The following MCC variants were observed in gnomAD, a reference collection of about 807,000 sequenced individuals.
MCC encodes the protein MCC regulator of Wnt signaling pathway.
In MCC, 90 loss-of-function variants were observed where a neutral mutation model predicts 116.2. The observed-to-expected ratio is 0.77, with a 90% CI of 0.65 to 0.92. The LOEUF is 0.92. MCC is among the 40% of genes least tolerant of loss of function. The pLI is 0.00. For synonymous variants in MCC, 578 were observed against 510.5 expected (o/e 1.13, Z -1.78); for missense variants, 1,516 against 1,312.2 (o/e 1.16, Z -2.40).
chr5:113,338,387 G>T (rs116737289), intron 3 of MCC, among the ~76,000 whole-genome samples: 1,862 of 152,308 alleles, frequency 0.012, 20 homozygotes, highest in African/African-American at 0.025. Context: ...GAACCTGGCT[G>T]TGGGAACCCC....
chr5:113,267,947 G>A (rs1267836586), intron 3 of MCC, among the ~76,000 whole-genome samples: 7 of 152,094 alleles, frequency 4.6e-5, no homozygotes, highest in Non-Finnish European at 1.0e-4. Flanking sequence ...TCTTAAATTA[G>A]AATGAAATAA....
chr5:113,088,503 A>G (rs1230755215), intron 8 of MCC, among the ~76,000 whole-genome samples: 1 of 151,454 alleles, frequency 6.6e-6, no homozygotes, highest in Non-Finnish European at 1.5e-5. Context: ...AACTAAATTA[A>G]CGATCTCAAG....
intron 3 of MCC, among the ~76,000 whole-genome samples, chr5:113,193,119 C>T (rs190701340): frequency 6.6e-6 from 1 of 152,298 alleles, no homozygotes; most frequent in East Asian, 1.9e-4. Context: ...AGGCCAGCAG[C>T]ACAGAATCTT....
intron 5 of MCC, among the ~76,000 whole-genome samples, chr5:113,134,420 T>C (rs1236778409): frequency 1.1e-4 from 16 of 152,208 alleles, no homozygotes. Flanking sequence ...TTATGTTTCA[T>C]TGCTCTATGT....
At chr5:113,336,354 A>G (rs1767867681) in intron 3 of MCC, among the ~76,000 whole-genome samples, 3 of 151,884 alleles carry the variant, frequency 2.0e-5, no homozygotes, top group Non-Finnish European at 1.5e-5. Flanking sequence ...CCAGGCTTGC[A>G]GTAATTCTAA....
At chr5:113,190,801 G>A (rs1167625142) in intron 3 of MCC, among the ~76,000 whole-genome samples, 2 of 152,218 alleles carry the variant, frequency 1.3e-5, no homozygotes, top group Non-Finnish European at 2.9e-5. Context: ...CCCTTACTGG[G>A]TGTGGGGAAC....
intron 4 of MCC, among the ~76,000 whole-genome samples, chr5:113,144,601 A>AT (rs1759381034): frequency 6.6e-6 from 1 of 152,204 alleles, no homozygotes; most frequent in Non-Finnish European, 1.5e-5. Context: ...TAAACTGAAC[A>AT]TTATACTAAG....
At chr5:113,403,117 G>A (rs530256049) in intron 1 of MCC, among the ~76,000 whole-genome samples, 26 of 152,096 alleles carry the variant, frequency 1.7e-4, no homozygotes, top group Admixed American at 4.6e-4. Flanking sequence ...GGCCCACTCT[G>A]AGTAGCACTG....
At chr5:113,267,909 T>C (rs1314157493) in intron 3 of MCC, among the ~76,000 whole-genome samples, 1 of 152,168 alleles carries the variant, frequency 6.6e-6, no homozygotes, top group Admixed American at 6.5e-5. Context: ...ATATGTCTTA[T>C]AAAAAAGGTA....
intron 6 of MCC, among the ~76,000 whole-genome samples, chr5:113,111,965 G>C (rs1757125525): frequency 6.6e-6 from 1 of 152,180 alleles, no homozygotes; most frequent in African/African-American, 2.4e-5. Context: ...TTTTGAATCA[G>C]GTGTTAAAAG....
intron 2 of MCC, among the ~76,000 whole-genome samples, chr5:113,383,525 C>T (rs1015683988): frequency 2.0e-5 from 3 of 151,828 alleles, no homozygotes; most frequent in East Asian, 1.9e-4. Context: ...ACACACATGA[C>T]GAGAGAGACA....
chr5:113,031,989 A>G (rs1431786794), intron 17 of MCC, among the ~76,000 whole-genome samples: 1 of 152,234 alleles, frequency 6.6e-6, no homozygotes, highest in East Asian at 1.9e-4. Flanking sequence ...GGAAAGAACT[A>G]TGATGCTCAT....
chr5:113,348,517 A>T (rs1475957966), intron 2 of MCC, among the ~76,000 whole-genome samples: 2 of 152,054 alleles, frequency 1.3e-5, no homozygotes, highest in Admixed American at 1.3e-4. Context: ...CTCAAAACAA[A>T]TGATAATGGA....
At chr5:113,405,936 A>G (rs1455838268) in intron 1 of MCC, among the ~76,000 whole-genome samples, 4 of 152,248 alleles carry the variant, frequency 2.6e-5, no homozygotes, top group Non-Finnish European at 5.9e-5. Flanking sequence ...AAGATTTTCA[A>G]TGCAAAGCAT....
chr5:113,160,864 A>G (rs964902095), intron 3 of MCC, among the ~76,000 whole-genome samples: 7 of 152,216 alleles, frequency 4.6e-5, no homozygotes, highest in Non-Finnish European at 8.8e-5. Context: ...TATGTGGGAA[A>G]GTTAAAGAGG....
chr5:113,278,438 T>C (rs1765909103), intron 3 of MCC, among the ~76,000 whole-genome samples: 1 of 152,214 alleles, frequency 6.6e-6, no homozygotes, highest in South Asian at 2.1e-4. Flanking sequence ...TACAGTGTAT[T>C]AACTGCTACA....
At chr5:113,350,056 T>C (rs1348018557) in intron 2 of MCC, among the ~76,000 whole-genome samples, 2 of 151,978 alleles carry the variant, frequency 1.3e-5, no homozygotes, top group African/African-American at 4.8e-5. Flanking sequence ...CCCCCCAAAA[T>C]GGAAAGATAA....
At chr5:113,468,925 C>T (rs896713683) in intron 1 of MCC, among the ~76,000 whole-genome samples, 47 of 152,182 alleles carry the variant, frequency 3.1e-4, no homozygotes, top group East Asian at 7.7e-4. Context: ...GTGTATGTGT[C>T]GAGGAATTTA....
chr5:113,470,212 G>C (rs1303834289), intron 1 of MCC, among the ~76,000 whole-genome samples: 5 of 152,162 alleles, frequency 3.3e-5, no homozygotes, highest in Non-Finnish European at 7.3e-5. Context: ...GTGTGAATTT[G>C]ATCCTGTCTT....
Sources: gnomAD v4.1 joint callset for allele counts (sites outside exome capture counted in the v4.1 genomes callset) on GRCh38, gnomAD v4.1.1 for gene constraint, MANE v1.5 for transcripts, NCBI Gene and HGNC (gene_info 2026-07-23, HGNC 2026-07-21) for gene names.